Variants in CCSER1 observed in about 807,000 individuals in gnomAD.
CCSER1 encodes the protein coiled-coil serine rich protein 1.
In CCSER1, 41 loss-of-function variants were observed where a neutral mutation model predicts 82.0. The ratio of observed to expected loss-of-function variants is 0.50; its 90% CI spans 0.39 to 0.65. The LOEUF (loss-of-function observed/expected upper bound fraction) is 0.65. Ranked by LOEUF, CCSER1 falls within the 30% of genes least tolerant of loss-of-function variation. The pLI is 0.00. For missense variants in CCSER1, 1,119 were observed against 1,064.2 expected (o/e 1.05, Z -0.72); for synonymous variants, 414 against 383.9 (o/e 1.08, Z -0.92).
intron 10 of CCSER1, among the ~76,000 whole-genome samples, chr4:91,363,230 G>A (rs1245670674): frequency 6.6e-6 from 1 of 151,668 alleles, no homozygotes; most frequent in African/African-American, 2.4e-5. Context: ...TGAGTTACAA[G>A]TCTATAAAAT....
intron 9 of CCSER1, among the ~76,000 whole-genome samples, chr4:91,042,425 G>A (rs1381290): frequency 0.61 from 92,682 of 151,988 alleles, 28,628 homozygotes; most frequent in East Asian, 0.86. Context: ...AGTCTCGGGC[G>A]GTTCTTTATA....
intron 5 of CCSER1, among the ~76,000 whole-genome samples, chr4:90,510,707 T>C (rs1771374469): frequency 6.6e-6 from 1 of 152,216 alleles, no homozygotes; most frequent in Non-Finnish European, 1.5e-5. Flanking sequence ...TGAGCAGCCA[T>C]AAACACCTGC....
At chr4:90,300,894 T>C (rs1302461527) in intron 1 of CCSER1, among the ~76,000 whole-genome samples, 8 of 152,150 alleles carry the variant, frequency 5.3e-5, no homozygotes, top group Non-Finnish European at 7.4e-5. Flanking sequence ...GGTGCTATTG[T>C]GGTTTACTGC....
rs572719799 is a variant in CCSER1, at chr4:90,849,401, G to A, written c.2094+33556G>A. 2.2e-4 allele frequency among the ~76,000 whole-genome samples: 34 copies of A among 152,244 alleles called. No homozygotes were observed. In the South Asian group the frequency reaches 3.5e-3, roughly 16 times the overall value. On this transcript the variant is annotated intron_variant, in intron 8 of 10. Transcript: ENST00000509176. ...CTTTTAACTTGAGAGAGATGACTTA[G>A]GGTATCTGGTGGCAGAAATTTCTAA...
chr4:91,555,576 C>CTGAAA (rs1762360841), intron 10 of CCSER1, among the ~76,000 whole-genome samples: 1 of 150,788 alleles, frequency 6.6e-6, no homozygotes, highest in South Asian at 2.1e-4. Flanking sequence ...TAATGTTATC[C>CTGAAA]ATTTTCAAAG....
chr4:90,431,963 A>T (rs898029947), intron 4 of CCSER1, among the ~76,000 whole-genome samples: 1 of 152,010 alleles, frequency 6.6e-6, no homozygotes. Flanking sequence ...TTCTTGGAAT[A>T]TGTCACTGGT....
intron 9 of CCSER1, among the ~76,000 whole-genome samples, chr4:90,964,019 T>G (rs1402564742): frequency 6.6e-6 from 1 of 152,196 alleles, no homozygotes; most frequent in Non-Finnish European, 1.5e-5. Flanking sequence ...TAGAAACCAA[T>G]TATTTTAATG....
intron 1 of CCSER1, among the ~76,000 whole-genome samples, chr4:90,256,899 G>T (rs1723400586): frequency 1.3e-5 from 2 of 151,870 alleles, no homozygotes; most frequent in Non-Finnish European, 2.9e-5. Flanking sequence ...ACAGTATATT[G>T]CTTTGTTTTA....
At chr4:91,216,386 C>A (rs1215011573) in intron 10 of CCSER1, among the ~76,000 whole-genome samples, 1 of 152,208 alleles carries the variant, frequency 6.6e-6, no homozygotes, top group South Asian at 2.1e-4. Flanking sequence ...GTGGCACGAT[C>A]TCGGCTCACT....
intron 7 of CCSER1, among the ~76,000 whole-genome samples, chr4:90,730,251 T>A (rs189979602): frequency 3.3e-5 from 5 of 152,346 alleles, no homozygotes; most frequent in Admixed American, 6.5e-5. Context: ...GTATCCTGCA[T>A]AGACTCATTT....
chr4:91,588,186 A>G (rs1359468704), intron 10 of CCSER1, among the ~76,000 whole-genome samples: 1 of 151,362 alleles, frequency 6.6e-6, no homozygotes, highest in Non-Finnish European at 1.5e-5. Flanking sequence ...TTGTTAGCAG[A>G]CTTTTTGCGA....
chr4:90,713,990 C>T (rs997792310), intron 6 of CCSER1, among the ~76,000 whole-genome samples: 1 of 151,884 alleles, frequency 6.6e-6, no homozygotes, highest in Admixed American at 6.6e-5. Flanking sequence ...CTCCATCAGA[C>T]ATTTCTCTCT....
chr4:91,467,792 C>A (rs1016320884), intron 10 of CCSER1, among the ~76,000 whole-genome samples: 6 of 152,172 alleles, frequency 3.9e-5, no homozygotes, highest in African/African-American at 1.4e-4. Context: ...CAAATCAAAA[C>A]CACAATGAGA....
intron 5 of CCSER1, among the ~76,000 whole-genome samples, chr4:90,503,632 A>T (rs1449808142): frequency 6.6e-6 from 1 of 152,008 alleles, no homozygotes; most frequent in Non-Finnish European, 1.5e-5. Flanking sequence ...CTCATTGTTC[A>T]ATTCCCACCT....
intron 4 of CCSER1, among the ~76,000 whole-genome samples, chr4:90,416,038 T>A (rs551700588): frequency 1.3e-5 from 2 of 152,080 alleles, no homozygotes; most frequent in Non-Finnish European, 2.9e-5. Flanking sequence ...GGAGAGATGA[T>A]CAAAAGATAC....
intron 6 of CCSER1, among the ~76,000 whole-genome samples, chr4:90,664,131 AT>A (rs1321818577): frequency 6.6e-6 from 1 of 152,222 alleles, no homozygotes; most frequent in East Asian, 1.9e-4. Context: ...GAGTCAAAGG[AT>A]TAATTTGAAA....
chr4:90,711,757 T>G (rs990068692), intron 6 of CCSER1, among the ~76,000 whole-genome samples: 2 of 151,770 alleles, frequency 1.3e-5, no homozygotes, highest in Non-Finnish European at 2.9e-5. Context: ...TTGAGGATCT[T>G]TGCATTGATG....
At chr4:91,208,319 T>C (rs1396997535) in intron 10 of CCSER1, among the ~76,000 whole-genome samples, 1 of 151,988 alleles carries the variant, frequency 6.6e-6, no homozygotes, top group African/African-American at 2.4e-5. Context: ...ATGTCCAAAA[T>C]GGTATTTCCT....
intron 10 of CCSER1, among the ~76,000 whole-genome samples, chr4:91,565,273 A>C (rs1762835852): frequency 6.6e-6 from 1 of 151,930 alleles, no homozygotes; most frequent in African/African-American, 2.4e-5. Flanking sequence ...CTGGTTTTGT[A>C]CCAGTACCAT....
Sources: allele counts gnomAD v4.1 joint callset (sites outside exome capture counted in the v4.1 genomes callset), GRCh38; gene constraint gnomAD v4.1.1; transcripts MANE v1.5; gene names NCBI Gene and HGNC (gene_info 2026-07-23, HGNC 2026-07-21).